The following PLPP1 variants were observed in gnomAD, a reference collection of about 807,000 sequenced individuals.
PLPP1 encodes phospholipid phosphatase 1.
PLPP1 carries 24 observed loss-of-function variants against 31.2 expected under a neutral mutation model. The ratio of observed to expected loss-of-function variants is 0.77; its 90% confidence interval spans 0.56 to 1.08. PLPP1 has a LOEUF of 1.08. Ranked by LOEUF, PLPP1 falls within the 50% of genes least tolerant of loss-of-function variation. The pLI, the probability that PLPP1 is intolerant of heterozygous loss-of-function variation, is 0.00. For synonymous variants in PLPP1, 146 were observed against 126.3 expected (o/e 1.16, Z -1.05); for missense variants, 319 against 342.7 (o/e 0.93, Z 0.55).
intron 4 of PLPP1, among the ~76,000 whole-genome samples, chr5:55,429,940 CACT>C (rs1031862926): frequency 1.3e-5 from 2 of 152,124 alleles, no homozygotes; most frequent in African/African-American, 2.4e-5. Flanking sequence ...CTATACACAC[CACT>C]GAGGGACCTA....
At chr5:55,492,953 T>C (rs981376410) in intron 1 of PLPP1, among the ~76,000 whole-genome samples, 4 of 152,050 alleles carry the variant, frequency 2.6e-5, no homozygotes, top group African/African-American at 7.2e-5. Context: ...TAGAATATGA[T>C]TGGGAGAAGG....
At chr5:55,433,017 GAAAT>G (rs1751397235) in intron 4 of PLPP1, among the ~76,000 whole-genome samples, 1 of 151,584 alleles carries the variant, frequency 6.6e-6, no homozygotes, top group African/African-American at 2.4e-5. Context: ...GCAAGAGAAA[GAAAT>G]AAACGGACCA....
chr5:55,452,515 T>G (rs899205922), intron 3 of PLPP1, among the ~76,000 whole-genome samples: 1 of 152,198 alleles, frequency 6.6e-6, no homozygotes, highest in Non-Finnish European at 1.5e-5. Flanking sequence ...CAGATATTCC[T>G]TTATAGCAAT....
intron 3 of PLPP1, among the ~76,000 whole-genome samples, chr5:55,465,467 T>C (rs1752269150): frequency 6.6e-6 from 1 of 152,168 alleles, no homozygotes. Flanking sequence ...AATCGGGGCG[T>C]CCAATCTTTT....
intron 1 of PLPP1, among the ~76,000 whole-genome samples, chr5:55,504,814 CT>C (rs1170388009): frequency 0.028 from 3,832 of 137,946 alleles, 115 homozygotes; most frequent in African/African-American, 0.091. Flanking sequence ...CCTAACTTTC[CT>C]TTTTTTTTTT....
intron 1 of PLPP1, among the ~76,000 whole-genome samples, chr5:55,515,823 T>G (rs1208300963): frequency 1.3e-5 from 2 of 152,190 alleles, no homozygotes; most frequent in Admixed American, 1.3e-4. Context: ...TTTTATAACT[T>G]CTTCCTGAAA....
chr5:55,447,080 T>G (rs1751781954), intron 3 of PLPP1, among the ~76,000 whole-genome samples: 1 of 152,234 alleles, frequency 6.6e-6, no homozygotes, highest in South Asian at 2.1e-4. Flanking sequence ...TATATATAAT[T>G]TAAGATACAG....
At chr5:55,530,941 G>A (rs1397464486) in intron 1 of PLPP1, among the ~76,000 whole-genome samples, 5 of 152,086 alleles carry the variant, frequency 3.3e-5, no homozygotes, top group Non-Finnish European at 5.9e-5. Context: ...TGGTGACAGC[G>A]GCAGCGGCCG....
At chr5:55,477,397 T>TTTTC (rs1752577555) in intron 1 of PLPP1, among the ~76,000 whole-genome samples, 1 of 3,682 alleles carries the variant, frequency 2.7e-4, no homozygotes, top group Non-Finnish European at 1.5e-3. Context: ...TTTTCTTTTC[T>TTTTC]TTTTTTTTTT....
At chr5:55,463,190 G>A (rs1427694971) in intron 3 of PLPP1, among the ~76,000 whole-genome samples, 3 of 151,976 alleles carry the variant, frequency 2.0e-5, no homozygotes, top group African/African-American at 7.3e-5. Flanking sequence ...GTCAGGGGGT[G>A]TGGGGTAAGG....
intron 1 of PLPP1, among the ~76,000 whole-genome samples, chr5:55,521,877 T>C (rs1464882154): frequency 6.6e-6 from 1 of 152,202 alleles, no homozygotes; most frequent in Non-Finnish European, 1.5e-5. Flanking sequence ...CAAACGCATA[T>C]ACTAGGCATT....
At chr5:55,456,646 C>T (rs77046747) in intron 3 of PLPP1, among the ~76,000 whole-genome samples, 1 of 152,040 alleles carries the variant, frequency 6.6e-6, no homozygotes, top group Non-Finnish European at 1.5e-5. Context: ...AAGTATGTAT[C>T]CAGCCAAACT....
At chr5:55,491,872 A>AG (rs1561244767) in intron 1 of PLPP1, among the ~76,000 whole-genome samples, 3 of 147,420 alleles carry the variant, frequency 2.0e-5, no homozygotes, top group Non-Finnish European at 4.5e-5. Context: ...AAAAAAAAAA[A>AG]AAAAGAAAGA....
chr5:55,431,877 G>GAA (rs1440462710), intron 4 of PLPP1, among the ~76,000 whole-genome samples: 2 of 152,088 alleles, frequency 1.3e-5, no homozygotes, highest in Non-Finnish European at 2.9e-5. Flanking sequence ...ATTCAGAAAT[G>GAA]AAAAAGACAT....
intron 1 of PLPP1, among the ~76,000 whole-genome samples, chr5:55,506,667 A>G (rs139933467): frequency 6.2e-4 from 95 of 152,332 alleles, no homozygotes; most frequent in African/African-American, 2.2e-3. Flanking sequence ...AATAAAACTA[A>G]TATGTAAGAA....
chr5:55,452,015 C>T (rs1276970394), intron 3 of PLPP1, among the ~76,000 whole-genome samples: 5 of 152,124 alleles, frequency 3.3e-5, no homozygotes, highest in Non-Finnish European at 7.4e-5. Context: ...GGAAAAAAAA[C>T]ATGAGCTTGT....
At position 55,427,234 on chromosome 5, in the gene PLPP1, C is replaced by T. The variant is rs541921369; in HGVS notation, c.550-1195G>A. Among the ~76,000 whole-genome samples, 9 of 152,318 alleles carry T rather than the reference C, an allele frequency of 5.9e-5. No individual in the cohort carries two copies. In the East Asian group the frequency reaches 1.7e-3, roughly 29 times the overall value. On this transcript the variant is annotated intron_variant, in intron 4 of 5. Coordinates refer to ENST00000307259, the MANE Select transcript of PLPP1 (RefSeq NM_003711.4). Reference sequence around the variant, plus strand: ...AGAAAACAATATACATAGCTCTCCCCATGGACACTGCCTATTTAAAATAGA... The same window carrying T: ...AGAAAACAATATACATAGCTCTCCCTATGGACACTGCCTATTTAAAATAGA...
intron 1 of PLPP1, among the ~76,000 whole-genome samples, chr5:55,488,251 ATAT>A (rs1191273393): frequency 2.6e-5 from 4 of 151,910 alleles, no homozygotes; most frequent in Non-Finnish European, 5.9e-5. Flanking sequence ...AAGCTGCTTG[ATAT>A]TATAATACTA....
intron 4 of PLPP1, among the ~76,000 whole-genome samples, chr5:55,434,024 A>C (rs1248781390): frequency 2.0e-5 from 3 of 151,572 alleles, no homozygotes; most frequent in Non-Finnish European, 4.4e-5. Context: ...AGCTACTGGG[A>C]AGGCTGAGGA....
Sources: gnomAD v4.1 joint callset for allele counts (sites outside exome capture counted in the v4.1 genomes callset) on GRCh38, gnomAD v4.1.1 for gene constraint, MANE v1.5 for transcripts, NCBI Gene and HGNC (gene_info 2026-07-23, HGNC 2026-07-21) for gene names.